IL20RB: variants seen among roughly 807,000 people sequenced by gnomAD.
The protein encoded by IL20RB is interleukin 20 receptor subunit beta, also known as interleukin-20 receptor subunit beta.
IL20RB carries 21 observed loss-of-function variants against 33.3 expected under a neutral mutation model. That is an observed-to-expected ratio of 0.63 (90% CI 0.45 to 0.91). IL20RB has a LOEUF of 0.91. IL20RB is among the 40% of genes least tolerant of loss of function. The probability of loss-of-function intolerance (pLI) is 0.00; values close to 1 mark genes in which losing one functional copy is unlikely to be tolerated. For synonymous variants in IL20RB, 147 were observed against 146.8 expected (o/e 1.00, Z -0.01); for missense variants, 345 against 384.8 (o/e 0.90, Z 0.86).
At chr3:136,992,402 G>A (rs917501154) in intron 5 of IL20RB, among the ~76,000 whole-genome samples, 3 of 152,220 alleles carry the variant, frequency 2.0e-5, no homozygotes, top group African/African-American at 7.2e-5. Context: ...AATCAGAGTG[G>A]GCTGCAGGAG....
rs1319673277 is a variant in IL20RB, at chr3:136,986,331, A to G, written c.407-3110A>G. Among the ~76,000 whole-genome samples, 4 of 152,240 alleles carry G rather than the reference A, an allele frequency of 2.6e-5. No individual in the cohort carries two copies. In the East Asian group the frequency reaches 5.8e-4, roughly 22 times the overall value. On this transcript the variant is annotated intron_variant, in intron 3 of 6. Coordinates refer to ENST00000329582, the MANE Select transcript of IL20RB (RefSeq NM_144717.4). ...TAAATGAGATAAGCATGCAGAAGGC[A>G]TAGGACAGAGGTTCCTGCCCCAACG...
chr3:136,979,228 C>T (rs1941707983), intron 1 of IL20RB, among the ~76,000 whole-genome samples: 1 of 152,080 alleles, frequency 6.6e-6, no homozygotes, highest in African/African-American at 2.4e-5. Flanking sequence ...ACAGAACAGA[C>T]CATGGATGCT....
At chr3:136,998,079 A>G (rs1942169747) in intron 6 of IL20RB, among the ~76,000 whole-genome samples, 1 of 148,272 alleles carries the variant, frequency 6.7e-6, no homozygotes, top group African/African-American at 2.5e-5. Context: ...CTCCATTAAC[A>G]TTTAATATAA....
At chr3:137,000,239 G>GCCTTAGACAGAC (rs1942215024) in intron 6 of IL20RB, among the ~76,000 whole-genome samples, 1 of 152,186 alleles carries the variant, frequency 6.6e-6, no homozygotes, top group South Asian at 2.1e-4. Context: ...AGACTGTTTA[G>GCCTTAGACAGAC]CCTTAGACAG....
chr3:136,977,321 C>G (rs1941643930), intron 1 of IL20RB, among the ~76,000 whole-genome samples: 1 of 152,096 alleles, frequency 6.6e-6, no homozygotes, highest in Non-Finnish European at 1.5e-5. Flanking sequence ...TGCATTAAAC[C>G]TATATACAAT....
intron 3 of IL20RB, among the ~76,000 whole-genome samples, chr3:136,983,040 A>G (rs905462318): frequency 2.0e-5 from 3 of 151,804 alleles, no homozygotes; most frequent in Non-Finnish European, 4.4e-5. Flanking sequence ...AAGCTTGACC[A>G]AGTCAGTAGA....
At chr3:136,970,669 TTG>T in intron 1 of IL20RB, among the ~76,000 whole-genome samples, 2 of 150,396 alleles carry the variant, frequency 1.3e-5, no homozygotes, top group African/African-American at 2.4e-5. Context: ...CTTCCTTTTT[TTG>T]AGATGGAGTC....
chr3:136,980,604 C>A lies in IL20RB; in HGVS notation c.215+12C>A, dbSNP rs1372950121. 1 of 1,613,866 alleles carries A rather than the reference C, an allele frequency of 6.2e-7. No individual in the cohort carries two copies. Among genetic ancestry groups the A allele is most frequent in the Non-Finnish European group, 8.5e-7 (1 of 1,179,974 alleles). On this transcript the variant is annotated intron_variant, in intron 2 of 6. Coordinates refer to ENST00000329582, the MANE Select transcript of IL20RB (RefSeq NM_144717.4). Reference sequence around the variant, plus strand: ...GTCGAATACCAGGGGTGAGTTTTTTCTTTTAATAGTTCTTCTCCCTTAAGC... The same window carrying A: ...GTCGAATACCAGGGGTGAGTTTTTTATTTTAATAGTTCTTCTCCCTTAAGC...
chr3:136,988,834 G>A (rs1005857569), intron 3 of IL20RB, among the ~76,000 whole-genome samples: 3 of 152,166 alleles, frequency 2.0e-5, no homozygotes, highest in Non-Finnish European at 4.4e-5. Flanking sequence ...TTCACAGGCT[G>A]CTCATCTGCT....
At chr3:136,996,955 T>G (rs1278108295) in intron 6 of IL20RB, among the ~76,000 whole-genome samples, 1 of 152,156 alleles carries the variant, frequency 6.6e-6, no homozygotes, top group Non-Finnish European at 1.5e-5. Context: ...ATTGGGGAAG[T>G]GTTTTATATA....
chr3:136,966,059 G>A (rs1421671752), intron 1 of IL20RB, among the ~76,000 whole-genome samples: 2 of 118,912 alleles, frequency 1.7e-5, no homozygotes, highest in African/African-American at 7.1e-5. Flanking sequence ...CTTGATCATG[G>A]TGGATAAGCT....
At chr3:136,987,238 G>A (rs1011668338) in intron 3 of IL20RB, among the ~76,000 whole-genome samples, 4 of 152,120 alleles carry the variant, frequency 2.6e-5, no homozygotes, top group Non-Finnish European at 2.9e-5. Context: ...GCGCTGATTC[G>A]TGCGTTTACA....
chr3:136,987,809 C>A (rs1366294485), intron 3 of IL20RB, among the ~76,000 whole-genome samples: 7 of 152,216 alleles, frequency 4.6e-5, no homozygotes, highest in Non-Finnish European at 1.0e-4. Context: ...ACCCAGTACA[C>A]CCTCCGCAGC....
chr3:136,988,490 A>G (rs1473911685), intron 3 of IL20RB, among the ~76,000 whole-genome samples: 1 of 152,196 alleles, frequency 6.6e-6, no homozygotes, highest in Non-Finnish European at 1.5e-5. Flanking sequence ...CTGTAATCCC[A>G]GCACTTTGGG....
intron 6 of IL20RB, among the ~76,000 whole-genome samples, chr3:136,997,385 C>T (rs1266365860): frequency 1.6e-4 from 25 of 152,162 alleles, no homozygotes; most frequent in Admixed American, 1.5e-3. Context: ...AGCCACTGCA[C>T]CTGGCCTGTT....
intron 3 of IL20RB, among the ~76,000 whole-genome samples, chr3:136,985,198 G>C (rs1262950154): frequency 6.6e-6 from 1 of 152,126 alleles, no homozygotes; most frequent in Admixed American, 6.6e-5. Context: ...AAATAGGCTG[G>C]GATGGTGTCA....
At chr3:136,962,027 A>G (rs1021154963) in intron 1 of IL20RB, among the ~76,000 whole-genome samples, 5 of 152,244 alleles carry the variant, frequency 3.3e-5, no homozygotes, top group African/African-American at 1.2e-4. Context: ...CCATGAGTCC[A>G]TACCACTAAA....
At chr3:136,990,949 CT>C (rs1461939199) in intron 4 of IL20RB, among the ~76,000 whole-genome samples, 27 of 152,234 alleles carry the variant, frequency 1.8e-4, no homozygotes, top group Non-Finnish European at 3.7e-4. Flanking sequence ...CTCAGATTCG[CT>C]GGGATGGAGC....
chr3:136,971,543 T>C (rs1941485197), intron 1 of IL20RB, among the ~76,000 whole-genome samples: 2 of 152,236 alleles, frequency 1.3e-5, no homozygotes, highest in East Asian at 1.9e-4. Context: ...TCTCTACCTC[T>C]GTATGATAAA....
Sources: gnomAD v4.1 joint callset for allele counts (sites outside exome capture counted in the v4.1 genomes callset) on GRCh38, gnomAD v4.1.1 for gene constraint, MANE v1.5 for transcripts, NCBI Gene and HGNC (gene_info 2026-07-23, HGNC 2026-07-21) for gene names.